Variants in ASMT observed in about 807,000 individuals in gnomAD.
The protein encoded by ASMT is acetylserotonin O-methyltransferase, also known as acetylserotonin N-methyltransferase.
ASMT carries 53 observed loss-of-function variants against 41.3 expected under a neutral mutation model. The observed-to-expected ratio is 1.28, with a 90% CI of 1.03 to 1.61. The LOEUF is 1.61. ASMT is among the 40% of genes most tolerant of loss of function. ASMT has a pLI of 0.00. For synonymous variants in ASMT, 231 were observed against 184.8 expected, an observed-to-expected ratio of 1.25 and a Z score of -2.03; for missense variants, 531 against 441.3, an observed-to-expected ratio of 1.20 and a Z score of -1.82.
intron 7 of ASMT, among the ~76,000 whole-genome samples, chrX:1,634,797 G>C (rs1345436743): frequency 6.6e-6 from 1 of 151,402 alleles, no homozygotes; most frequent in Non-Finnish European, 1.5e-5. Flanking sequence ...CTAAGTAGCT[G>C]AGATTTTACA....
Position 1,637,246 on chromosome X carries a change from G to A in ASMT, c.910+686G>A, listed in dbSNP as rs1355244133. ...GGATGTGGACACAGCCTCTGTGTGTGTGATGGGGACAGTGTCCCAGTGTCC... is the reference window on the plus strand; with the variant it reads ...GGATGTGGACACAGCCTCTGTGTGTATGATGGGGACAGTGTCCCAGTGTCC... On this transcript the variant is annotated intron_variant, in intron 8 of 8. Coordinates refer to ENST00000381241, the MANE Select transcript of ASMT (RefSeq NM_001171038.2). Among the ~76,000 whole-genome samples, 30 of 10,466 alleles carry A rather than the reference G, an allele frequency of 2.9e-3. 9 individuals are homozygous for A. The highest frequency in any genetic ancestry group is 0.018 in the African/African-American group (24 of 1,364). 6.9% of individuals were successfully genotyped at this position (10,466 alleles called of 152,430 possible).
intron 7 of ASMT, among the ~76,000 whole-genome samples, chrX:1,634,094 A>G (rs1279225639): frequency 6.7e-6 from 1 of 150,314 alleles, no homozygotes; most frequent in African/African-American, 2.5e-5. Context: ...TTCTGCAGTG[A>G]AGGGTGTGGC....
intron 8 of ASMT, among the ~76,000 whole-genome samples, chrX:1,642,022 G>T (rs1400815940): frequency 6.9e-6 from 1 of 145,668 alleles, no homozygotes; most frequent in Non-Finnish European, 1.5e-5. Flanking sequence ...TGTGTGTAAT[G>T]GGGATAGCAT....
At chrX:1,615,763 C>G (rs746311091) in intron 1 of ASMT, among the ~76,000 whole-genome samples, 1 of 151,676 alleles carries the variant, frequency 6.6e-6, no homozygotes, top group Non-Finnish European at 1.5e-5. Flanking sequence ...GATCGCACCA[C>G]TGCACTCCCG....
At chrX:1,630,913 A>ATTTTTT (rs202113145) in intron 5 of ASMT, among the ~76,000 whole-genome samples, 1 of 136,118 alleles carries the variant, frequency 7.3e-6, no homozygotes, top group Non-Finnish European at 1.6e-5. Context: ...GTATTTATTT[A>ATTTTTT]TTTATTTTTT....
chrX:1,637,374 GCT>G (rs1569385020), intron 8 of ASMT, among the ~76,000 whole-genome samples: 1 of 2,608 alleles, frequency 3.8e-4, no homozygotes. Context: ...CCCTCCTGAT[GCT>G]TCACGAGGAC....
At position 1,629,957 on chromosome X, in the gene ASMT, C is replaced by A; in HGVS notation, c.562+18C>A. 6.3e-7 allele frequency: 1 copy of A among 1,589,516 alleles called. No individual in the cohort carries two copies. Among genetic ancestry groups the A allele is most frequent in the Non-Finnish European group, 8.6e-7 (1 of 1,157,526 alleles). On this transcript the variant is annotated intron_variant, in intron 5 of 8. Transcript: ENST00000381241. Reference sequence around the variant, plus strand: ...CCTTGGTGGTAAGTACCCCTCACCACTAATACCTCGGAGGTGTGGCTTCTG... The same window carrying A: ...CCTTGGTGGTAAGTACCCCTCACCAATAATACCTCGGAGGTGTGGCTTCTG...
chrX:1,622,249 C>T (rs1244653957), intron 1 of ASMT, among the ~76,000 whole-genome samples: 1 of 150,558 alleles, frequency 6.6e-6, no homozygotes, highest in Middle Eastern at 3.3e-3. Flanking sequence ...TCCTAGGCCT[C>T]CCAAAGTGCT....
chrX:1,624,319 CCGA>C lies in ASMT; in HGVS notation c.298_300del (p.Thr100del). 1 of 1,614,016 alleles carries C rather than the reference CCGA, an allele frequency of 6.2e-7. No individual in the cohort carries two copies. The highest frequency in any genetic ancestry group is 1.1e-5 in the South Asian group (1 of 91,082). On this transcript the variant is annotated inframe_deletion, in exon 3 of 9. Coordinates refer to ENST00000381241, the MANE Select transcript of ASMT (RefSeq NM_001171038.2). Reference sequence around the variant, plus strand: ...CAGCGACTACCTGACCACGGTCAGCCCGACGTCACAATGCAGCATGCTGAAGTA... The same window carrying C: ...CAGCGACTACCTGACCACGGTCAGCCCGTCACAATGCAGCATGCTGAAGTA...
At chrX:1,633,007 T>C in intron 6 of ASMT, 143 bp from the exon 7 acceptor site, 1 of 853,908 alleles carries the variant, frequency 1.2e-6, no homozygotes, top group Non-Finnish European at 1.9e-6. Flanking sequence ...ACTTAAAGTA[T>C]AATAAAAAGA....
Position 1,633,191 on chromosome X carries a change from C to G in ASMT, c.688C>G (p.Pro230Ala). 3.7e-6 allele frequency: 6 copies of G among 1,613,768 alleles called. No homozygotes were observed. The highest frequency in any genetic ancestry group is 5.1e-6 in the Non-Finnish European group (6 of 1,179,828). Residue 230 changes from proline to alanine, a missense_variant, in exon 7 of 9, where the codon CCT becomes GCT. Physicochemically the swap from Pro to Ala is conservative, Grantham distance 27. Coordinates refer to ENST00000381241, the MANE Select transcript of ASMT (RefSeq NM_001171038.2). ...ALAKECMSLY[P>A]GCKITVFDIP... ...GGCTAAGGAATGCATGTCTCTGTAC[C>G]CTGGATGTAAGATCACCGTTTTTGA... is the stretch of plus-strand genomic sequence containing the variant.
At chrX:1,617,820 G>T (rs1355045042) in intron 1 of ASMT, among the ~76,000 whole-genome samples, 1 of 151,824 alleles carries the variant, frequency 6.6e-6, no homozygotes, top group African/African-American at 2.4e-5. Context: ...TCTCTATGTT[G>T]GTCAGGCTGG....
At chrX:1,616,249 G>C (rs759932585) in intron 1 of ASMT, among the ~76,000 whole-genome samples, 1 of 151,454 alleles carries the variant, frequency 6.6e-6, no homozygotes, top group South Asian at 2.1e-4. Context: ...GGCTGGTCTC[G>C]AACTCCTGAC....
At chrX:1,627,492 G>A (rs752205034) in intron 3 of ASMT, among the ~76,000 whole-genome samples, 2 of 151,506 alleles carry the variant, frequency 1.3e-5, no homozygotes, top group African/African-American at 2.4e-5. Flanking sequence ...GTGGTGGCGG[G>A]CGCCTATAGT....
At position 1,624,495 on chromosome X, in the gene ASMT, G is replaced by C. The variant is rs1275760650; in HGVS notation, c.374+97G>C. On this transcript the variant is annotated intron_variant, in intron 3 of 8. Transcript: ENST00000381241. ...GCCCCCAGGCAGATGCTGGGAGGTG[G>C]TGGCTGACCCCAGGCAGATGCTGGG... The C allele has an allele frequency of 6.1e-6, 9 of 1,475,008 alleles. No homozygotes were observed. The African/African-American group carries it at 1.2e-4, about 20-fold the overall frequency. 91.4% of individuals were successfully genotyped at this position (1,475,008 alleles called of 1,614,324 possible).
chrX:1,626,390 C>T (rs1934550152), intron 3 of ASMT, among the ~76,000 whole-genome samples: 1 of 151,912 alleles, frequency 6.6e-6, no homozygotes, highest in African/African-American at 2.4e-5. Flanking sequence ...ATCCACCACA[C>T]CTGGCTGATT....
intron 1 of ASMT, among the ~76,000 whole-genome samples, chrX:1,618,976 A>G (rs1934236927): frequency 6.6e-6 from 1 of 152,216 alleles, no homozygotes; most frequent in Admixed American, 6.6e-5. Flanking sequence ...AGTTTCACAG[A>G]ACCAGAGTTA....
chrX:1,621,602 G>A (rs1436725779), intron 1 of ASMT, among the ~76,000 whole-genome samples: 7 of 152,182 alleles, frequency 4.6e-5, no homozygotes, highest in Admixed American at 4.6e-4. Flanking sequence ...ACAGGCGTGA[G>A]CTACCACGCC....
Position 1,627,569 on chromosome X carries a change from C to G in ASMT, c.375-134C>G, listed in dbSNP as rs778954266. 1.0e-4 allele frequency: 94 copies of G among 929,740 alleles called. No homozygotes were observed. In the African/African-American group the frequency reaches 1.1e-3, roughly 10 times the overall value. 57.6% of individuals were successfully genotyped at this position (929,740 alleles called of 1,614,324 possible). ...CCAGAAGGCAGAGGTTGCAGTGAGC[C>G]GAGATCGTGCCATTGCACTCCAGCC... On this transcript the variant is annotated intron_variant, in intron 3 of 8. Coordinates refer to ENST00000381241, the MANE Select transcript of ASMT (RefSeq NM_001171038.2).
Sources: allele counts gnomAD v4.1 joint callset (sites outside exome capture counted in the v4.1 genomes callset), GRCh38; gene constraint gnomAD v4.1.1; transcripts MANE v1.5; gene names NCBI Gene and HGNC (gene_info 2026-07-23, HGNC 2026-07-21).